The following SLIT3 variants were observed in gnomAD, a reference collection of about 807,000 sequenced individuals.
SLIT3 encodes the protein slit guidance ligand 3.
Under a neutral mutation model 184.0 loss-of-function variants are expected in SLIT3, and 68 were observed. The observed-to-expected ratio is 0.37, with a 90% CI of 0.30 to 0.45. The LOEUF (loss-of-function observed/expected upper bound fraction) is 0.45, where lower values mean the gene tolerates loss of function less well. Ranked by LOEUF, SLIT3 falls within the 20% of genes least tolerant of loss-of-function variation. The probability of loss-of-function intolerance (pLI) is 1.00; values close to 1 mark genes in which losing one functional copy is unlikely to be tolerated. For synonymous variants in SLIT3, 831 were observed against 828.6 expected, an observed-to-expected ratio of 1.00 and a Z score of -0.05; for missense variants, 1,707 against 2,026.0, an observed-to-expected ratio of 0.84 and a Z score of 3.02.
chr5:168,743,968 G>A (rs139065830), intron 20 of SLIT3, among the ~76,000 whole-genome samples: 76 of 152,274 alleles, frequency 5.0e-4, no homozygotes, highest in African/African-American at 1.8e-3. Context: ...AAAGTTTGAA[G>A]CTAGCAATAG....
At position 168,844,610 on chromosome 5, in the gene SLIT3, G is replaced by T; in HGVS notation, c.531C>A (p.Phe177Leu). The T allele has an allele frequency of 6.2e-7, 1 of 1,614,206 alleles. No individual in the cohort carries two copies. Among genetic ancestry groups the T allele is most frequent in the Non-Finnish European group, 8.5e-7 (1 of 1,180,048 alleles). ...GGATCTCCAAATCGCGCAGCGCTCG[G>T]AAGGCTCCATCTTCAATGCAGCTGA... Reference protein sequence around the residue: ...NHISCIEDGAFRALRDLEILT... With the variant: ...NHISCIEDGALRALRDLEILT... Residue 177 changes from phenylalanine to leucine, a missense_variant, in exon 6 of 36, where the codon TTC (phenylalanine) becomes TTA (leucine). By Grantham distance (22) the Phe-to-Leu change is conservative. This residue lies in a region of SLIT3 where 1,307 missense variants were observed against 1,511.6 expected (regional missense o/e 0.86). Transcript: ENST00000519560.
intron 4 of SLIT3, among the ~76,000 whole-genome samples, chr5:169,070,217 G>A (rs915690874): frequency 2.6e-5 from 4 of 152,280 alleles, no homozygotes; most frequent in East Asian, 1.9e-4. Flanking sequence ...CAGTATGTTC[G>A]AGTGATGTGT....
At chr5:169,009,774 G>T (rs1019629578) in intron 4 of SLIT3, among the ~76,000 whole-genome samples, 2 of 152,176 alleles carry the variant, frequency 1.3e-5, no homozygotes, top group Non-Finnish European at 2.9e-5. Flanking sequence ...TAAATGTAGG[G>T]CGGGAAAGGA....
At chr5:168,825,111 C>T (rs12187562) in intron 6 of SLIT3, among the ~76,000 whole-genome samples, 20,665 of 152,160 alleles carry the variant, frequency 0.14, 1,736 homozygotes, top group East Asian at 0.26. Flanking sequence ...ATGGTACCTA[C>T]CTCACAGGCT....
chr5:168,866,424 G>T (rs1403830892), intron 5 of SLIT3, among the ~76,000 whole-genome samples: 4 of 152,198 alleles, frequency 2.6e-5, no homozygotes, highest in African/African-American at 9.7e-5. Flanking sequence ...CTAAGGGATT[G>T]ACAAATTAAG....
chr5:168,715,531 G>GT (rs1403766119), intron 23 of SLIT3, among the ~76,000 whole-genome samples: 1 of 152,204 alleles, frequency 6.6e-6, no homozygotes, highest in East Asian at 1.9e-4. Flanking sequence ...GGCAGAAGCA[G>GT]TTTAATTTTG....
At chr5:168,948,540 G>T (rs1350961496) in intron 4 of SLIT3, among the ~76,000 whole-genome samples, 1 of 152,182 alleles carries the variant, frequency 6.6e-6, no homozygotes, top group African/African-American at 2.4e-5. Context: ...GGTGTAAGTT[G>T]TGGAATTTTC....
chr5:168,883,251 A>T lies in SLIT3; in HGVS notation c.485+14T>A. ...TAGCCACATACGTAGTGAAGCAAGG[A>T]AAACATCACTTACAGGTTCTTCACA... On this transcript the variant is annotated intron_variant, in intron 5 of 35. Transcript: ENST00000519560. 6.2e-7 allele frequency: 1 copy of T among 1,611,132 alleles called. No homozygotes were observed. Among genetic ancestry groups the T allele is most frequent in the Non-Finnish European group, 8.5e-7 (1 of 1,177,266 alleles).
At chr5:169,141,418 TG>T (rs1199334539) in intron 4 of SLIT3, among the ~76,000 whole-genome samples, 5 of 144,192 alleles carry the variant, frequency 3.5e-5, no homozygotes, top group Non-Finnish European at 7.7e-5. Context: ...TTTTGTTGTT[TG>T]TTTTGTTTTT....
At chr5:169,217,358 A>G (rs1312950428) in intron 3 of SLIT3, among the ~76,000 whole-genome samples, 2 of 152,138 alleles carry the variant, frequency 1.3e-5, no homozygotes, top group Non-Finnish European at 2.9e-5. Flanking sequence ...GGGAAAATAT[A>G]GAGCAAATTA....
intron 4 of SLIT3, among the ~76,000 whole-genome samples, chr5:168,911,049 G>T (rs7709047): frequency 0.044 from 6,664 of 152,192 alleles, 211 homozygotes; most frequent in Middle Eastern, 0.099. Context: ...GAAAAGCTAC[G>T]TTTAAAATCA....
rs571939156 is a variant in SLIT3, at chr5:168,752,975, C to G, written c.1953G>C (p.Thr651=). Residue 651 remains threonine, a synonymous_variant, in exon 18 of 36, where the codon ACG becomes ACC. Transcript: ENST00000519560. ...CTTACATGGTGGACAGGGAGACAAG[C>G]GTGGTGAAGGCCCCAGGGGTGATGG... ...ITTITPGAFT[T]LVSLSTINLL... is the part of the protein sequence containing the mutation. 1 of 1,614,004 alleles carries G rather than the reference C, an allele frequency of 6.2e-7. No individual in the cohort carries two copies. The highest frequency in any genetic ancestry group is 1.7e-5 in the Admixed American group (1 of 60,010).
intron 16 of SLIT3, among the ~76,000 whole-genome samples, chr5:168,759,145 C>G (rs1345809615): frequency 1.3e-5 from 2 of 152,120 alleles, no homozygotes; most frequent in African/African-American, 2.4e-5. Context: ...TGATCCCATG[C>G]ATTTCAGATA....
chr5:168,801,817 G>A (rs1418522451), intron 9 of SLIT3, among the ~76,000 whole-genome samples: 1 of 152,218 alleles, frequency 6.6e-6, no homozygotes, highest in Admixed American at 6.5e-5. Context: ...CTCACTGTGG[G>A]TTCTCTGGAA....
intron 4 of SLIT3, among the ~76,000 whole-genome samples, chr5:168,949,602 TG>T (rs1762586844): frequency 6.6e-6 from 1 of 151,392 alleles, no homozygotes; most frequent in Non-Finnish European, 1.5e-5. Context: ...ATGAATTTTT[TG>T]TCTTGTTTTT....
At chr5:169,272,018 G>C (rs1766641602) in intron 1 of SLIT3, among the ~76,000 whole-genome samples, 1 of 152,214 alleles carries the variant, frequency 6.6e-6, no homozygotes, top group Admixed American at 6.5e-5. Flanking sequence ...GCAGGTGCAG[G>C]GGCAGAAGCC....
At chr5:168,774,426 C>G (rs771075948) in intron 12 of SLIT3, 48 bp from the exon 13 acceptor site, 2 of 1,566,272 alleles carry the variant, frequency 1.3e-6, no homozygotes, top group Admixed American at 3.6e-5. Flanking sequence ...TGGTAATTAC[C>G]TGCGGGGCAA....
intron 28 of SLIT3, among the ~76,000 whole-genome samples, chr5:168,694,971 C>G (rs966286093): frequency 2.0e-5 from 3 of 152,158 alleles, no homozygotes; most frequent in African/African-American, 7.2e-5. Flanking sequence ...GTCTGGGGTC[C>G]TAGGAAGCCC....
intron 18 of SLIT3, chr5:168,752,627 T>A (rs1347030583): frequency 1.6e-5 from 4 of 257,136 alleles, no homozygotes; most frequent in Non-Finnish European, 2.2e-5. Flanking sequence ...ATTCCTCACC[T>A]CAGGTGATCC....
Sources: gnomAD v4.1 joint callset for allele counts (sites outside exome capture counted in the v4.1 genomes callset) on GRCh38, gnomAD v4.1.1 for gene constraint, gnomAD v4.1.1 regional missense constraint, MANE v1.5 for transcripts, NCBI Gene and HGNC (gene_info 2026-07-23, HGNC 2026-07-21) for gene names.